Variants in SLC4A10 observed in about 807,000 individuals in gnomAD.
The protein encoded by SLC4A10 is solute carrier family 4 member 10, also known as sodium-driven chloride bicarbonate exchanger.
SLC4A10 carries 42 observed loss-of-function variants against 137.7 expected under a neutral mutation model. That is an observed-to-expected ratio of 0.30 (90% CI 0.24 to 0.39). The LOEUF is 0.39. SLC4A10 is among the 10% of genes least tolerant of loss of function. The probability of loss-of-function intolerance (pLI) is 1.00; values close to 1 mark genes in which losing one functional copy is unlikely to be tolerated. For missense variants in SLC4A10, 925 were observed against 1,355.0 expected (o/e 0.68, Z 4.98); for synonymous variants, 474 against 464.1 (o/e 1.02, Z -0.27).
chr2:161,629,121 G>A (rs1363812730), intron 1 of SLC4A10, among the ~76,000 whole-genome samples: 1 of 151,932 alleles, frequency 6.6e-6, no homozygotes, highest in Non-Finnish European at 1.5e-5. Flanking sequence ...TTCTGTGAGA[G>A]AGACTTCAAC....
chr2:161,977,926 T>C (rs1181585262), intron 26 of SLC4A10, among the ~76,000 whole-genome samples, 166 bp downstream of exon 26: 1 of 152,174 alleles, frequency 6.6e-6, no homozygotes, highest in Non-Finnish European at 1.5e-5. Context: ...TGATGATATA[T>C]CTGTAACAAC....
At chr2:161,919,040 C>T (rs937140281) in intron 15 of SLC4A10, among the ~76,000 whole-genome samples, 6 of 152,192 alleles carry the variant, frequency 3.9e-5, no homozygotes, top group African/African-American at 1.4e-4. Flanking sequence ...CCTCTCCTCC[C>T]TCTGGGTGCC....
chr2:161,624,647 A>G lies in SLC4A10; in HGVS notation c.48+81A>G, dbSNP rs2031893409. The G allele has an allele frequency of 4.5e-6, 7 of 1,542,584 alleles. No individual in the cohort carries two copies. The South Asian group carries it at 8.4e-5, about 18-fold the overall frequency. ...GGCAAGCGGTCTGCTAGCTAGGTGCAGCGAGTGTACTTTTGGGGTGGTGGA... is the reference window on the plus strand; with the variant it reads ...GGCAAGCGGTCTGCTAGCTAGGTGCGGCGAGTGTACTTTTGGGGTGGTGGA... On this transcript the variant is annotated intron_variant, in intron 1 of 26. Transcript: ENST00000446997.
chr2:161,662,201 G>C (rs1445218799), intron 1 of SLC4A10, among the ~76,000 whole-genome samples: 2 of 151,994 alleles, frequency 1.3e-5, no homozygotes, highest in African/African-American at 4.8e-5. Flanking sequence ...TTGTTTTACA[G>C]CTTATTTTTT....
chr2:161,771,496 T>C (rs890254202), intron 2 of SLC4A10, among the ~76,000 whole-genome samples: 1 of 151,780 alleles, frequency 6.6e-6, no homozygotes, highest in Admixed American at 6.6e-5. Flanking sequence ...GAAGGATGCC[T>C]AATTCAACAG....
rs557044832 is a variant in SLC4A10 at position 161,655,589 on chromosome 2, A to C, written c.48+31023A>C. ...CCAGGATCAGATGGCTTCACTGGTG[A>C]ATTCTATCAAATAGTTAAGAAAGAA... On this transcript the variant is annotated intron_variant, in intron 1 of 26. Coordinates refer to ENST00000446997, the MANE Select transcript of SLC4A10 (RefSeq NM_001178015.2). Among the ~76,000 whole-genome samples, 6 of 152,322 alleles carry C rather than the reference A, an allele frequency of 3.9e-5. No individual in the cohort carries two copies. The South Asian group carries it at 1.0e-3, about 26-fold the overall frequency.
intron 1 of SLC4A10, among the ~76,000 whole-genome samples, chr2:161,680,069 C>T (rs78693641): frequency 1.6e-3 from 242 of 152,092 alleles, no homozygotes; most frequent in African/African-American, 5.6e-3. Context: ...CTTTGTATTT[C>T]TTTTCCATAA....
intron 16 of SLC4A10, among the ~76,000 whole-genome samples, chr2:161,943,305 A>G (rs1693085980): frequency 6.6e-6 from 1 of 152,072 alleles, no homozygotes; most frequent in Non-Finnish European, 1.5e-5. Context: ...TGTTTCTAAT[A>G]TTCTAGTGTC....
chr2:161,704,313 G>A (rs574407453), intron 1 of SLC4A10, among the ~76,000 whole-genome samples: 18 of 151,670 alleles, frequency 1.2e-4, no homozygotes, highest in African/African-American at 2.2e-4. Context: ...AATCACACAC[G>A]CACATAATAA....
chr2:161,628,819 A>G (rs981604002), intron 1 of SLC4A10, among the ~76,000 whole-genome samples: 4 of 152,018 alleles, frequency 2.6e-5, no homozygotes, highest in African/African-American at 4.8e-5. Context: ...TCTGAAGGCT[A>G]TAAGTATTGA....
At chr2:161,847,092 A>AAT (rs1553586233) in intron 4 of SLC4A10, among the ~76,000 whole-genome samples, 1 of 151,330 alleles carries the variant, frequency 6.6e-6, no homozygotes, top group African/African-American at 2.4e-5. Context: ...ATACAAAAAA[A>AAT]AAAAAGCCAG....
chr2:161,872,208 A>G (rs2061171506), intron 6 of SLC4A10, 85 bp from the exon 7 acceptor site: 2 of 861,116 alleles, frequency 2.3e-6, no homozygotes, highest in African/African-American at 1.7e-5. Flanking sequence ...CTGTTAGTCT[A>G]GTTTAATTGA....
intron 3 of SLC4A10, among the ~76,000 whole-genome samples, chr2:161,805,181 C>T (rs1284289031): frequency 2.6e-5 from 4 of 152,108 alleles, no homozygotes; most frequent in Non-Finnish European, 4.4e-5. Context: ...TAATAACTAT[C>T]AGATCTCATG....
At chr2:161,655,722 C>T (rs992060861) in intron 1 of SLC4A10, among the ~76,000 whole-genome samples, 3 of 152,044 alleles carry the variant, frequency 2.0e-5, no homozygotes, top group Admixed American at 6.5e-5. Context: ...CAGACAAAGA[C>T]ATTATAAGAG....
At position 161,964,270 on chromosome 2, in the gene SLC4A10, A is replaced by G; in HGVS notation, c.2998A>G (p.Ile1000Val). 6.2e-7 allele frequency: 1 copy of G among 1,613,654 alleles called. No homozygotes were observed. Among genetic ancestry groups the G allele is most frequent in the Non-Finnish European group, 8.5e-7 (1 of 1,179,662 alleles). The change falls in exon 22 of 27, where the codon ATA (isoleucine) becomes GTA (valine). Residue 1000 changes from isoleucine to valine, a missense_variant. Physicochemically the swap from Ile to Val is conservative, Grantham distance 29. This residue lies in a region of SLC4A10 where 115 missense variants were observed against 237.5 expected (regional missense o/e 0.48). Coordinates refer to ENST00000446997, the MANE Select transcript of SLC4A10 (RefSeq NM_001178015.2). ...GAGTTGCCTTGGCCTTTTGTGGATA[A>G]TAAAAGTTTCAAGAGCTGCTATTGT... ...QMSCLGLLWI[I>V]KVSRAAIVFP...
chr2:161,847,258 A>G (rs1000957984), intron 4 of SLC4A10, among the ~76,000 whole-genome samples: 8 of 151,396 alleles, frequency 5.3e-5, no homozygotes. Context: ...AGTTTTTTTT[A>G]ATGCATAGAA....
intron 1 of SLC4A10, among the ~76,000 whole-genome samples, chr2:161,744,511 A>C (rs1248516630): frequency 6.6e-6 from 1 of 152,102 alleles, no homozygotes; most frequent in African/African-American, 2.4e-5. Flanking sequence ...GAACTTTATA[A>C]TGTATTGTTA....
chr2:161,678,374 G>A (rs994247195), intron 1 of SLC4A10, among the ~76,000 whole-genome samples: 5 of 152,164 alleles, frequency 3.3e-5, no homozygotes, highest in African/African-American at 1.2e-4. Flanking sequence ...GAAGCTGGAT[G>A]CTCATCAGTT....
At chr2:161,912,072 TC>T (rs897810528) in intron 15 of SLC4A10, among the ~76,000 whole-genome samples, 4 of 152,104 alleles carry the variant, frequency 2.6e-5, no homozygotes, top group African/African-American at 7.2e-5. Context: ...ATTCTCACTG[TC>T]CCTAATGAAT....
Sources: allele counts gnomAD v4.1 joint callset (sites outside exome capture counted in the v4.1 genomes callset), GRCh38; gene constraint gnomAD v4.1.1; regional missense constraint gnomAD v4.1.1; transcripts MANE v1.5; gene names NCBI Gene and HGNC (gene_info 2026-07-23, HGNC 2026-07-21).